Variants in TTLL11 observed in about 807,000 individuals in gnomAD.
TTLL11 encodes the protein tubulin polyglutamylase TTLL11.
In TTLL11, 42 loss-of-function variants were observed where a neutral mutation model predicts 51.7. That is an observed-to-expected ratio of 0.81 (90% CI 0.64 to 1.05). TTLL11 has a LOEUF of 1.05. TTLL11 is among the 50% of genes least tolerant of loss of function. The pLI is 0.00. For missense variants in TTLL11, 799 were observed against 940.4 expected, an observed-to-expected ratio of 0.85 and a Z score of 1.97; for synonymous variants, 381 against 383.5, an observed-to-expected ratio of 0.99 and a Z score of 0.08.
At chr9:121,966,051 G>A (rs985641177) in intron 6 of TTLL11, among the ~76,000 whole-genome samples, 6 of 152,238 alleles carry the variant, frequency 3.9e-5, no homozygotes. Context: ...TGGAGACAAG[G>A]TAAGAAGTAA....
chr9:122,050,398 A>G (rs1365723156), intron 1 of TTLL11, among the ~76,000 whole-genome samples: 1 of 152,214 alleles, frequency 6.6e-6, no homozygotes, highest in Non-Finnish European at 1.5e-5. Context: ...CAGGCAGGTT[A>G]ATAGAGTTCT....
intron 8 of TTLL11, among the ~76,000 whole-genome samples, chr9:121,859,643 T>C (rs1223308174): frequency 2.6e-5 from 4 of 152,192 alleles, no homozygotes; most frequent in Non-Finnish European, 5.9e-5. Flanking sequence ...CAAATTTTCT[T>C]GTGTGGCATT....
At chr9:122,086,031 A>C (rs1398075932) in intron 1 of TTLL11, among the ~76,000 whole-genome samples, 1 of 152,234 alleles carries the variant, frequency 6.6e-6, no homozygotes, top group Non-Finnish European at 1.5e-5. Context: ...TGCATGATTA[A>C]ATTTTTGCCT....
In TTLL11 at chr9:121,920,462, T is replaced by C. The variant is rs897979407; in HGVS notation, c.1482-49714A>G. 2.6e-5 allele frequency among the ~76,000 whole-genome samples: 4 copies of C among 152,186 alleles called. No individual in the cohort carries two copies. In the East Asian group the frequency reaches 5.8e-4, roughly 22 times the overall value. ...AATGATCTAAACCAGATGAGCTCCA[T>C]ATCTCTCTGGTAAACGATGAAGGAC... is the stretch of plus-strand genomic sequence containing the variant. On this transcript the variant is annotated intron_variant, in intron 6 of 8. Transcript: ENST00000321582.
At chr9:121,947,786 A>G (rs1424995187) in intron 6 of TTLL11, among the ~76,000 whole-genome samples, 2 of 152,222 alleles carry the variant, frequency 1.3e-5, no homozygotes, top group Non-Finnish European at 2.9e-5. Flanking sequence ...AACAGAAGTT[A>G]CTTACCCCCC....
intron 3 of TTLL11, among the ~76,000 whole-genome samples, chr9:121,992,792 G>A (rs1357444836): frequency 6.6e-6 from 1 of 152,128 alleles, no homozygotes; most frequent in Non-Finnish European, 1.5e-5. Flanking sequence ...AACTTTATGT[G>A]GCTTTTACTG....
chr9:121,907,888 T>C (rs972652443), intron 6 of TTLL11, among the ~76,000 whole-genome samples: 1 of 152,202 alleles, frequency 6.6e-6, no homozygotes, highest in African/African-American at 2.4e-5. Flanking sequence ...AGAAAAAGTG[T>C]TGCATGCTAA....
In TTLL11 at chr9:122,093,243, C is replaced by T. The variant is rs76369155; in HGVS notation, c.-95G>A. 1 of 1,503,198 alleles carries T rather than the reference C, an allele frequency of 6.7e-7. No homozygotes were observed. Among genetic ancestry groups the T allele is most frequent in the Non-Finnish European group, 8.8e-7 (1 of 1,138,174 alleles). The allele number at this position is 1,503,198 out of a possible 1,614,324, so 93.1% of individuals were successfully genotyped here. A position where few individuals can be genotyped will look rare whatever the true frequency, so the allele number is the denominator to read the frequency against. ...CACCAAACTGCCGCCGCTGCAGCCG[C>T]TGCCACGCGTTCCCCGCCCGAGCCC... On this transcript the variant is annotated 5_prime_UTR_variant, in exon 1 of 9. Coordinates refer to ENST00000321582, the MANE Select transcript of TTLL11 (RefSeq NM_001139442.2).
At chr9:121,843,124 G>A (rs1027422094) in intron 8 of TTLL11, among the ~76,000 whole-genome samples, 26 of 151,818 alleles carry the variant, frequency 1.7e-4, no homozygotes, top group Admixed American at 1.3e-4. Context: ...TCCCTTGAGC[G>A]CAGTAGTTCA....
chr9:121,832,757 C>T lies in TTLL11; in HGVS notation c.1841-9878G>A, dbSNP rs1278302619. 4.6e-5 allele frequency among the ~76,000 whole-genome samples: 7 copies of T among 152,198 alleles called. No individual in the cohort carries two copies. In the South Asian group the frequency reaches 1.2e-3, roughly 27 times the overall value. ...GAGTTCGAGACCAGCCTGACCAACACGGTGAAACCCTGTCTCTACTAAAAA... is the reference window on the plus strand; with the variant it reads ...GAGTTCGAGACCAGCCTGACCAACATGGTGAAACCCTGTCTCTACTAAAAA... On this transcript the variant is annotated intron_variant, in intron 8 of 8. Transcript: ENST00000321582.
intron 1 of TTLL11, among the ~76,000 whole-genome samples, chr9:122,049,713 T>C (rs970559562): frequency 2.0e-5 from 3 of 152,170 alleles, no homozygotes. Flanking sequence ...AAGGAATTGA[T>C]GTTCGGGTCC....
intron 1 of TTLL11, among the ~76,000 whole-genome samples, chr9:122,078,254 A>T (rs185505037): frequency 6.2e-4 from 94 of 152,338 alleles, no homozygotes; most frequent in African/African-American, 2.1e-3. Context: ...TGATCAATAA[A>T]GTCAAAAGTT....
chr9:121,995,038 T>C lies in TTLL11; in HGVS notation c.694-5268A>G, dbSNP rs1307047456. ...AGGCAGAGGGGAGGCAGTGGGAAGA[T>C]GATGAGCTGCACAGAGGACCCTGGA... is the stretch of plus-strand genomic sequence containing the variant. On this transcript the variant is annotated intron_variant, in intron 3 of 8. Transcript: ENST00000321582. The surrounding 1 kb of genome is among the most constrained non-coding windows in gnomAD (Gnocchi z 4.4). Among the ~76,000 whole-genome samples, 2 of 152,038 alleles carry C rather than the reference T, an allele frequency of 1.3e-5. No homozygotes were observed. Among genetic ancestry groups the C allele is most frequent in the Admixed American group, 6.6e-5 (1 of 15,264 alleles).
chr9:121,910,653 C>G (rs2131498892), intron 6 of TTLL11, among the ~76,000 whole-genome samples: 1 of 152,114 alleles, frequency 6.6e-6, no homozygotes, highest in Middle Eastern at 3.4e-3. Context: ...GCTGTCAAGA[C>G]AATCGAAAAT....
chr9:121,841,459 T>G (rs1464417445), intron 8 of TTLL11, among the ~76,000 whole-genome samples: 5 of 152,144 alleles, frequency 3.3e-5, no homozygotes, highest in African/African-American at 1.2e-4. Flanking sequence ...TATGTAAGGC[T>G]TCCTCCTCCC....
intron 3 of TTLL11, among the ~76,000 whole-genome samples, chr9:122,001,806 C>A (rs1347707826): frequency 6.6e-6 from 1 of 152,220 alleles, no homozygotes; most frequent in Non-Finnish European, 1.5e-5. Context: ...ACGGGACACT[C>A]AGCCTGATCA....
At chr9:122,079,454 G>A (rs1043439949) in intron 1 of TTLL11, among the ~76,000 whole-genome samples, 14 of 152,058 alleles carry the variant, frequency 9.2e-5, no homozygotes, top group Non-Finnish European at 1.5e-4. Context: ...GCTCATGCCT[G>A]TAATCCCAAC....
At chr9:122,030,254 A>G (rs186396320) in intron 3 of TTLL11, among the ~76,000 whole-genome samples, 48 of 151,032 alleles carry the variant, frequency 3.2e-4, no homozygotes, top group African/African-American at 1.1e-3. Context: ...TTTTAAAATT[A>G]ACTTTATTGA....
At chr9:121,922,760 A>AGTGTGTGTGTGTGTGTGT (rs71370699) in intron 6 of TTLL11, among the ~76,000 whole-genome samples, 15 of 148,222 alleles carry the variant, frequency 1.0e-4, no homozygotes, top group African/African-American at 3.2e-4. Flanking sequence ...ATATCTATTC[A>AGTGTGTGTGTGTGTGTGT]GTGTGTGTGT....
Sources: allele counts gnomAD v4.1 joint callset (sites outside exome capture counted in the v4.1 genomes callset), GRCh38; gene constraint gnomAD v4.1.1; non-coding constraint Gnocchi (gnomAD v3.1); transcripts MANE v1.5; gene names NCBI Gene and HGNC (gene_info 2026-07-23, HGNC 2026-07-21).